CACNB2: variants seen among roughly 807,000 people sequenced by gnomAD.
The protein encoded by CACNB2 is calcium voltage-gated channel auxiliary subunit beta 2, also known as voltage-dependent L-type calcium channel subunit beta-2.
Under a neutral mutation model 73.3 loss-of-function variants are expected in CACNB2, and 42 were observed. The observed-to-expected ratio is 0.57, with a 90% confidence interval of 0.45 to 0.74. The LOEUF is 0.74. CACNB2 is among the 30% of genes least tolerant of loss of function. CACNB2 has a pLI of 0.00. For synonymous variants in CACNB2, 348 were observed against 310.3 expected (o/e 1.12, Z -1.28); for missense variants, 940 against 853.0 (o/e 1.10, Z -1.27).
At chr10:18,341,073 C>T in intron 2 of CACNB2, 2 of 1,278,848 alleles carry the variant, frequency 1.6e-6, no homozygotes, top group South Asian at 2.4e-5. Flanking sequence ...TAAAATCATA[C>T]TAGTTACTTA....
intron 2 of CACNB2, among the ~76,000 whole-genome samples, chr10:18,374,506 T>C (rs1275534589): frequency 6.6e-6 from 1 of 152,202 alleles, no homozygotes; most frequent in Non-Finnish European, 1.5e-5. Context: ...GGCAGGAGGA[T>C]AGCTTGAGCC....
chr10:18,272,133 A>G (rs916127586), intron 2 of CACNB2, among the ~76,000 whole-genome samples: 1 of 151,860 alleles, frequency 6.6e-6, no homozygotes, highest in Non-Finnish European at 1.5e-5. Context: ...TATTGGGTGA[A>G]TCAGTTTTTT....
chr10:18,150,772 T>C (rs1368410409), intron 1 of CACNB2, 111 bp from the exon 2 acceptor site: 6 of 652,814 alleles, frequency 9.2e-6, no homozygotes, highest in South Asian at 7.9e-5. Context: ...ATGATGGCAA[T>C]GTATTACTTG....
chr10:18,335,523 G>T (rs1212280085), intron 2 of CACNB2, among the ~76,000 whole-genome samples: 1 of 152,156 alleles, frequency 6.6e-6, no homozygotes, highest in Non-Finnish European at 1.5e-5. Context: ...GAACCCAGGA[G>T]GCAGAGGTTG....
chr10:18,188,942 T>G (rs2034276032), intron 2 of CACNB2, among the ~76,000 whole-genome samples: 2 of 152,086 alleles, frequency 1.3e-5, no homozygotes, highest in African/African-American at 4.8e-5. Flanking sequence ...GAACCGCACT[T>G]GAGAGGATTG....
chr10:18,452,220 C>T (rs138413482), intron 3 of CACNB2, among the ~76,000 whole-genome samples: 131 of 152,140 alleles, frequency 8.6e-4, no homozygotes, highest in African/African-American at 2.9e-3. Flanking sequence ...GACAGATGCT[C>T]GAGACCAGCT....
intron 10 of CACNB2, among the ~76,000 whole-genome samples, chr10:18,533,804 A>G (rs1268167012): frequency 6.6e-6 from 1 of 152,236 alleles, no homozygotes; most frequent in African/African-American, 2.4e-5. Context: ...AAAGAATGTC[A>G]GCAGAGAGCT....
intron 1 of CACNB2, among the ~76,000 whole-genome samples, chr10:18,147,549 C>T (rs560018293): frequency 1.3e-5 from 2 of 152,076 alleles, no homozygotes; most frequent in Admixed American, 6.6e-5. Context: ...CAGCCAAATC[C>T]CCTTTCCTGT....
At chr10:18,354,171 A>AG (rs1564461606) in intron 2 of CACNB2, among the ~76,000 whole-genome samples, 3 of 152,234 alleles carry the variant, frequency 2.0e-5, no homozygotes, top group African/African-American at 7.2e-5. Context: ...ATAGACCTCA[A>AG]GGCTCAAATA....
intron 2 of CACNB2, among the ~76,000 whole-genome samples, chr10:18,177,262 C>T (rs146149122): frequency 3.9e-5 from 6 of 152,156 alleles, no homozygotes; most frequent in African/African-American, 9.6e-5. Flanking sequence ...AAAACAAACA[C>T]GTGCCTCAGT....
chr10:18,465,303 C>T (rs1026913803), intron 3 of CACNB2, among the ~76,000 whole-genome samples: 13 of 152,270 alleles, frequency 8.5e-5, no homozygotes, highest in African/African-American at 3.1e-4. Context: ...GTGTTCCAGC[C>T]TGGGCGACAA....
At chr10:18,501,273 C>CTGGTGCT (rs1214674906) in intron 5 of CACNB2, among the ~76,000 whole-genome samples, 1 of 152,200 alleles carries the variant, frequency 6.6e-6, no homozygotes, top group East Asian at 1.9e-4. Context: ...CATCATAGCC[C>CTGGTGCT]TGGTGACTAA....
chr10:18,514,380 C>T lies in CACNB2; in HGVS notation c.804+11C>T, dbSNP rs2051068381. 6.2e-7 allele frequency: 1 copy of T among 1,614,012 alleles called. No homozygotes were observed. The stretch of plus-strand genomic sequence containing the variant: ...CCCTTCTTTAAGAAGGTAACATTAA[C>T]TTCCAAGCTCCCATTGTCCACCTGC... On this transcript the variant is annotated intron_variant, in intron 7 of 13. Coordinates refer to ENST00000324631, the MANE Select transcript of CACNB2 (RefSeq NM_201596.3).
chr10:18,513,954 A>G (rs2051024433), intron 6 of CACNB2, among the ~76,000 whole-genome samples: 1 of 152,232 alleles, frequency 6.6e-6, no homozygotes, highest in Non-Finnish European at 1.5e-5. Flanking sequence ...TTATATTTGA[A>G]ACTACAGATT....
At chr10:18,179,081 G>A (rs2033746899) in intron 2 of CACNB2, among the ~76,000 whole-genome samples, 2 of 152,154 alleles carry the variant, frequency 1.3e-5, no homozygotes, top group African/African-American at 2.4e-5. Context: ...TGCGGAACAG[G>A]CTTTTACCAG....
chr10:18,252,524 T>TCTTTG (rs2037130106), intron 2 of CACNB2, among the ~76,000 whole-genome samples: 1 of 152,228 alleles, frequency 6.6e-6, no homozygotes, highest in Non-Finnish European at 1.5e-5. Context: ...TGTATTGCCA[T>TCTTTG]CTTTGCTTTG....
chr10:18,209,632 T>TTGA (rs2035237071), intron 2 of CACNB2, among the ~76,000 whole-genome samples: 1 of 151,198 alleles, frequency 6.6e-6, no homozygotes. Context: ...ATATTAGCTA[T>TTGA]TGATTTTTTT....
chr10:18,149,002 C>T (rs1262106941), intron 1 of CACNB2, among the ~76,000 whole-genome samples: 3 of 118,850 alleles, frequency 2.5e-5, no homozygotes, highest in African/African-American at 7.5e-5. Flanking sequence ...AAGACACTGT[C>T]TCAAAAAAAA....
chr10:18,402,089 G>A lies in CACNB2; in HGVS notation c.333+46G>A, dbSNP rs3750592. On this transcript the variant is annotated intron_variant, in intron 3 of 13. Transcript: ENST00000324631. Reference sequence around the variant, plus strand: ...CCAAGATCTTTGCAAGTTGTGCTGTGCCCCTGATAGACCACCTGTGGGAGT... The same window carrying A: ...CCAAGATCTTTGCAAGTTGTGCTGTACCCCTGATAGACCACCTGTGGGAGT... 767,138 of 1,600,866 alleles carry A rather than the reference G, an allele frequency of 0.48. 188,173 individuals are homozygous for A. Among genetic ancestry groups the A allele is most frequent in the Middle Eastern group, 0.6 (3,620 of 6,028 alleles).
Sources: allele counts gnomAD v4.1 joint callset (sites outside exome capture counted in the v4.1 genomes callset), GRCh38; gene constraint gnomAD v4.1.1; transcripts MANE v1.5; gene names NCBI Gene and HGNC (gene_info 2026-07-23, HGNC 2026-07-21).